Variants in DLC1 observed in about 807,000 individuals in gnomAD.
The protein encoded by DLC1 is DLC1 Rho GTPase activating protein.
DLC1 carries 54 observed loss-of-function variants against 140.3 expected under a neutral mutation model. The ratio of observed to expected loss-of-function variants is 0.38; its 90% CI spans 0.31 to 0.48. The LOEUF is 0.48. Among genes scored for constraint, DLC1 ranks in the 20% least tolerant of loss-of-function variants. The pLI, the probability that DLC1 is intolerant of heterozygous loss-of-function variation, is 0.96. For synonymous variants in DLC1, 986 were observed against 728.1 expected, an observed-to-expected ratio of 1.35 and a Z score of -5.70; for missense variants, 2,536 against 1,907.0, an observed-to-expected ratio of 1.33 and a Z score of -6.14.
chr8:13,412,622 G>C (rs1285517499), intron 2 of DLC1, among the ~76,000 whole-genome samples: 2 of 152,070 alleles, frequency 1.3e-5, no homozygotes, highest in African/African-American at 4.8e-5. Flanking sequence ...AGTAACCTAC[G>C]TAATGCTTCA....
chr8:13,533,073 T>C (rs1803154682), intron 1 of DLC1, among the ~76,000 whole-genome samples: 1 of 152,222 alleles, frequency 6.6e-6, no homozygotes, highest in African/African-American at 2.4e-5. Flanking sequence ...TGAAACGCTA[T>C]GTGTCATTAG....
At chr8:13,088,003 C>T (rs557324165) in intron 16 of DLC1, among the ~76,000 whole-genome samples, 181 of 152,188 alleles carry the variant, frequency 1.2e-3, no homozygotes, top group Non-Finnish European at 2.3e-3. Flanking sequence ...CCATTCTCAG[C>T]GAGGAACACA....
At chr8:13,588,747 G>T (rs1805416319) in intron 1 of DLC1, among the ~76,000 whole-genome samples, 2 of 152,048 alleles carry the variant, frequency 1.3e-5, no homozygotes, top group South Asian at 4.1e-4. Context: ...AAAGACTAAA[G>T]ATATAGGCTT....
At chr8:13,589,842 A>T (rs1415776273) in intron 1 of DLC1, among the ~76,000 whole-genome samples, 1 of 151,874 alleles carries the variant, frequency 6.6e-6, no homozygotes. Flanking sequence ...AAAAAGAAAT[A>T]CATACTCATC....
At chr8:13,300,861 A>AT (rs1832165364) in intron 5 of DLC1, among the ~76,000 whole-genome samples, 1 of 152,216 alleles carries the variant, frequency 6.6e-6, no homozygotes, top group Non-Finnish European at 1.5e-5. Flanking sequence ...GACAGTGCAG[A>AT]TAATAGACTG....
At chr8:13,335,040 G>A (rs559975912) in intron 4 of DLC1, among the ~76,000 whole-genome samples, 19 of 152,266 alleles carry the variant, frequency 1.2e-4, no homozygotes, top group South Asian at 6.2e-4. Context: ...AAGCCAAGGA[G>A]GGAGAGACAA....
At position 13,115,593 on chromosome 8, in the gene DLC1, A is replaced by C. The variant is rs1256527641; in HGVS notation, c.1413T>G (p.Leu471=). The C allele has an allele frequency of 6.2e-7, 1 of 1,613,498 alleles. No homozygotes were observed. The highest frequency in any genetic ancestry group is 8.5e-7 in the Non-Finnish European group (1 of 1,179,810). Residue 471 remains leucine, a synonymous_variant, in exon 6 of 18, where the codon CTT becomes CTG. Transcript: ENST00000276297. ...GTGGCATTCCCAGCTTACCTTCATA[A>C]AGCTGTGCATACTGGGGGAAACCAG... ...RATGFPQYAQ[L]YEDFLFPIDI...
At chr8:13,193,865 A>G (rs1339344376) in intron 5 of DLC1, among the ~76,000 whole-genome samples, 1 of 152,216 alleles carries the variant, frequency 6.6e-6, no homozygotes, top group Non-Finnish European at 1.5e-5. Context: ...CAAAGAAGTC[A>G]TCAAAGGAAA....
intron 2 of DLC1, among the ~76,000 whole-genome samples, chr8:13,406,345 G>C (rs1306930912): frequency 6.6e-6 from 1 of 151,718 alleles, no homozygotes; most frequent in East Asian, 1.9e-4. Context: ...CTTTTATTTA[G>C]CAATCATTTA....
At chr8:13,243,356 T>C (rs934215314) in intron 5 of DLC1, among the ~76,000 whole-genome samples, 3 of 150,190 alleles carry the variant, frequency 2.0e-5, no homozygotes, top group African/African-American at 4.9e-5. Flanking sequence ...CCTGCCACCA[T>C]GTGAAGATGT....
At chr8:13,202,130 G>T (rs1827422903) in intron 5 of DLC1, among the ~76,000 whole-genome samples, 2 of 151,952 alleles carry the variant, frequency 1.3e-5, no homozygotes, top group African/African-American at 2.4e-5. Flanking sequence ...ATTTTTAATA[G>T]AGAAGGGGTT....
rs1177443519 is a variant in DLC1, at chr8:13,095,070, C to A, written c.3327+16G>T. The A allele has an allele frequency of 6.2e-7, 1 of 1,613,910 alleles. No homozygotes were observed. Among genetic ancestry groups the A allele is most frequent in the Admixed American group, 1.7e-5 (1 of 60,008 alleles). On this transcript the variant is annotated intron_variant, in intron 11 of 17. Coordinates refer to ENST00000276297, the MANE Select transcript of DLC1 (RefSeq NM_182643.3). ...GAGCTCCCCTGAGTACGTGGACCCG[C>A]AGGCAGCGCTCTCACCTGATCCAAA...
At chr8:13,565,549 G>C (rs1804397461) in intron 1 of DLC1, among the ~76,000 whole-genome samples, 1 of 152,162 alleles carries the variant, frequency 6.6e-6, no homozygotes, top group Admixed American at 6.5e-5. Context: ...TGAAGTTGGA[G>C]TCTCCTTATC....
chr8:13,547,865 C>A (rs1309555051), intron 1 of DLC1, among the ~76,000 whole-genome samples: 1 of 145,038 alleles, frequency 6.9e-6, no homozygotes, highest in Admixed American at 7.0e-5. Flanking sequence ...TATCTTGCAC[C>A]CATTTCACGC....
intron 2 of DLC1, among the ~76,000 whole-genome samples, chr8:13,491,917 C>G (rs796604965): frequency 1.6e-4 from 24 of 152,302 alleles, no homozygotes; most frequent in African/African-American, 5.8e-4. Context: ...CATTTATGAA[C>G]AGGTTCTAAG....
intron 5 of DLC1, among the ~76,000 whole-genome samples, chr8:13,238,684 C>T (rs1829404084): frequency 6.6e-6 from 1 of 152,112 alleles, no homozygotes; most frequent in East Asian, 1.9e-4. Flanking sequence ...TTTCAGCTCC[C>T]AGGTCTCTCC....
At chr8:13,134,791 T>C (rs1822428399) in intron 5 of DLC1, among the ~76,000 whole-genome samples, 1 of 152,118 alleles carries the variant, frequency 6.6e-6, no homozygotes, top group Non-Finnish European at 1.5e-5. Flanking sequence ...AGACTCCATC[T>C]GTACAAAAAT....
intron 5 of DLC1, among the ~76,000 whole-genome samples, chr8:13,222,574 C>G (rs1228550558): frequency 5.3e-5 from 8 of 152,198 alleles, no homozygotes; most frequent in Admixed American, 5.2e-4. Context: ...TCTCCCAAAT[C>G]TAAGCATGAC....
At chr8:13,555,561 G>C (rs62492127) in intron 1 of DLC1, among the ~76,000 whole-genome samples, 1 of 151,594 alleles carries the variant, frequency 6.6e-6, no homozygotes, top group Non-Finnish European at 1.5e-5. Flanking sequence ...GTATGATCTC[G>C]GCTCACTGCA....
Sources: allele counts gnomAD v4.1 joint callset (sites outside exome capture counted in the v4.1 genomes callset), GRCh38; gene constraint gnomAD v4.1.1; transcripts MANE v1.5; gene names NCBI Gene and HGNC (gene_info 2026-07-23, HGNC 2026-07-21).